The following TMEM255B variants were observed in gnomAD, a reference collection of about 807,000 sequenced individuals.
TMEM255B encodes transmembrane protein 255B.
A neutral mutation model predicts 34.5 loss-of-function variants in TMEM255B; 35 were observed. The observed-to-expected ratio is 1.01, with a 90% CI of 0.77 to 1.34. The LOEUF (loss-of-function observed/expected upper bound fraction) is 1.34. Among genes scored for constraint, TMEM255B ranks in the 40% most tolerant of loss-of-function variants. The pLI is 0.00. For missense variants in TMEM255B, 432 were observed against 433.2 expected (o/e 1.00, Z 0.02); for synonymous variants, 206 against 201.2 (o/e 1.02, Z -0.20).
intron 3 of TMEM255B, among the ~76,000 whole-genome samples, chr13:113,772,129 C>T (rs1284455732): frequency 3.9e-5 from 6 of 152,142 alleles, no homozygotes; most frequent in South Asian, 2.1e-4. Context: ...GCCTATTGGC[C>T]GTTTGCATAT....
At chr13:113,759,607 C>T (rs1417350753) in intron 1 of TMEM255B, among the ~76,000 whole-genome samples, 1 of 152,234 alleles carries the variant, frequency 6.6e-6, no homozygotes, top group African/African-American at 2.4e-5. Context: ...CTTTGCCTTT[C>T]TCTGACTCTG....
intron 1 of TMEM255B, among the ~76,000 whole-genome samples, chr13:113,764,424 C>T (rs1594614560): frequency 6.6e-6 from 1 of 152,310 alleles, no homozygotes; most frequent in East Asian, 1.9e-4. Context: ...GCTCCCTGGC[C>T]CGCACCGGGC....
At chr13:113,802,300 C>T (rs7400001) in intron 7 of TMEM255B, among the ~76,000 whole-genome samples, 34,898 of 152,226 alleles carry the variant, frequency 0.23, 4,296 homozygotes, top group South Asian at 0.37. Context: ...GGCCCTCGCC[C>T]GGGAAACCAC....
chr13:113,793,130 G>A (rs914975062), intron 3 of TMEM255B, among the ~76,000 whole-genome samples: 1 of 152,228 alleles, frequency 6.6e-6, no homozygotes, highest in African/African-American at 2.4e-5. Flanking sequence ...GTGGAGGGGG[G>A]ATGCGAGGGT....
intron 8 of TMEM255B, among the ~76,000 whole-genome samples, chr13:113,810,014 T>C (rs1341460142): frequency 6.6e-6 from 1 of 152,166 alleles, no homozygotes; most frequent in Non-Finnish European, 1.5e-5. Flanking sequence ...GCAGTCCCTC[T>C]GAGGAAGGGC....
At chr13:113,776,245 C>T (rs2050575588) in intron 3 of TMEM255B, among the ~76,000 whole-genome samples, 2 of 152,312 alleles carry the variant, frequency 1.3e-5, no homozygotes, top group South Asian at 2.1e-4. Context: ...ACTTGGGGGC[C>T]GCCCGCCCTG....
At chr13:113,799,977 T>C (rs1462514957) in intron 5 of TMEM255B, 1 of 1,267,796 alleles carries the variant, frequency 7.9e-7, no homozygotes, top group Non-Finnish European at 1.0e-6. Flanking sequence ...TCAGCACGCG[T>C]GTCAGAGGAG....
At chr13:113,807,676 C>T (rs2051206598) in intron 8 of TMEM255B, among the ~76,000 whole-genome samples, 2 of 142,996 alleles carry the variant, frequency 1.4e-5, no homozygotes, top group African/African-American at 2.7e-5. Flanking sequence ...GGGCGGTCCT[C>T]CCCGTCACAC....
intron 3 of TMEM255B, among the ~76,000 whole-genome samples, chr13:113,784,438 G>C (rs1337830510): frequency 2.6e-5 from 4 of 152,158 alleles, no homozygotes; most frequent in Non-Finnish European, 5.9e-5. Flanking sequence ...AGCTGGATTT[G>C]TGTCTGGTGT....
At position 113,814,097 on chromosome 13, in the gene TMEM255B, TGGTGCCGTGGTCTTG is replaced by T. The variant is rs1382683208; in HGVS notation, c.*2195_*2209del. 1 of 152,190 alleles carries T rather than the reference TGGTGCCGTGGTCTTG, an allele frequency of 6.6e-6. No individual in the cohort carries two copies. Among genetic ancestry groups the T allele is most frequent in the Admixed American group, 6.5e-5 (1 of 15,286 alleles). 9.4% of individuals were successfully genotyped at this position (152,190 alleles called of 1,614,324 possible). ...TCAGGGAAGGCTCTATGGGCGCCGA[TGGTGCCGTGGTCTTG>T]TGTGGGCGGTTCCTGGGCACCCTGG... On this transcript the variant is annotated 3_prime_UTR_variant, in exon 9 of 9. Coordinates refer to ENST00000375353, the MANE Select transcript of TMEM255B (RefSeq NM_182614.4).
intron 8 of TMEM255B, among the ~76,000 whole-genome samples, chr13:113,807,527 G>A (rs559409567): frequency 7.5e-6 from 1 of 133,296 alleles, no homozygotes; most frequent in Admixed American, 7.8e-5. Context: ...GTCACACGCA[G>A]GCTTACGGGA....
Position 113,777,587 on chromosome 13 carries a change from G to A in TMEM255B, c.252+8427G>A, listed in dbSNP as rs1322933164. Among the ~76,000 whole-genome samples, 7 of 152,226 alleles carry A rather than the reference G, an allele frequency of 4.6e-5. No homozygotes were observed. The South Asian group carries it at 1.0e-3, about 22-fold the overall frequency. ...ACTCAGCCCAGAAGGCAGGGACTGCGGTGTGTGGGATGCACGTGCTTCAGC... is the reference window on the plus strand; with the variant it reads ...ACTCAGCCCAGAAGGCAGGGACTGCAGTGTGTGGGATGCACGTGCTTCAGC... On this transcript the variant is annotated intron_variant, in intron 3 of 8. Coordinates refer to ENST00000375353, the MANE Select transcript of TMEM255B (RefSeq NM_182614.4).
intron 1 of TMEM255B, among the ~76,000 whole-genome samples, chr13:113,765,231 ACT>A (rs922327298): frequency 3.9e-5 from 6 of 152,110 alleles, no homozygotes; most frequent in Admixed American, 2.6e-4. Flanking sequence ...GATAAAAATG[ACT>A]CTCTCAGATC....
At chr13:113,766,092 G>A (rs2140802606) in intron 1 of TMEM255B, 23 bp from the exon 2 acceptor site, 1 of 1,613,406 alleles carries the variant, frequency 6.2e-7, no homozygotes, top group Non-Finnish European at 8.5e-7. Flanking sequence ...CTCACTGACA[G>A]GTCCTCGCCT....
intron 3 of TMEM255B, among the ~76,000 whole-genome samples, chr13:113,784,861 C>T (rs1428476730): frequency 6.6e-6 from 1 of 152,150 alleles, no homozygotes; most frequent in South Asian, 2.1e-4. Flanking sequence ...CTGGCCCCAA[C>T]ACCTGTCCTA....
chr13:113,803,682 A>C (rs551506087), intron 7 of TMEM255B, among the ~76,000 whole-genome samples: 2 of 151,562 alleles, frequency 1.3e-5, no homozygotes, highest in Non-Finnish European at 2.9e-5. Context: ...TGCCCATCCA[A>C]CCTCCCAGGC....
intron 7 of TMEM255B, among the ~76,000 whole-genome samples, chr13:113,804,474 AAGAG>A (rs953126384): frequency 1.3e-5 from 2 of 152,136 alleles, no homozygotes; most frequent in Non-Finnish European, 2.9e-5. Flanking sequence ...AAAAAAGTAA[AAGAG>A]AGCCCGAGCC....
chr13:113,780,630 G>C (rs923464546), intron 3 of TMEM255B, among the ~76,000 whole-genome samples: 4 of 152,186 alleles, frequency 2.6e-5, no homozygotes, highest in African/African-American at 9.6e-5. Context: ...TGATATTAAT[G>C]AACATTTTAG....
Position 113,814,491 on chromosome 13 carries a change from T to C in TMEM255B, c.*2588T>C, listed in dbSNP as rs981066938. 1.3e-5 allele frequency: 2 copies of C among 152,222 alleles called. No individual in the cohort carries two copies. Among genetic ancestry groups the C allele is most frequent in the Admixed American group, 6.5e-5 (1 of 15,290 alleles). 9.4% of individuals were successfully genotyped at this position (152,222 alleles called of 1,614,324 possible). On this transcript the variant is annotated 3_prime_UTR_variant, in exon 9 of 9. Transcript: ENST00000375353. ...TCTTGCCACAAAAATGTCCTTATCC[T>C]TTATCCCAGCCACAAAGAATGTGAA...
Sources: gnomAD v4.1 joint callset for allele counts (sites outside exome capture counted in the v4.1 genomes callset) on GRCh38, gnomAD v4.1.1 for gene constraint, MANE v1.5 for transcripts, NCBI Gene and HGNC (gene_info 2026-07-23, HGNC 2026-07-21) for gene names.